Variants in EPM2A observed in about 807,000 individuals in gnomAD.
EPM2A encodes laforin.
Under a neutral mutation model 26.5 loss-of-function variants are expected in EPM2A, and 21 were observed. The ratio of observed to expected loss-of-function variants is 0.79; its 90% CI spans 0.56 to 1.14. The LOEUF (loss-of-function observed/expected upper bound fraction) is 1.14, where lower values mean the gene tolerates loss of function less well. Among genes scored for constraint, EPM2A ranks in the 50% most tolerant of loss-of-function variants. The pLI is 0.00. For synonymous variants in EPM2A, 217 were observed against 177.6 expected (o/e 1.22, Z -1.76); for missense variants, 458 against 440.8 (o/e 1.04, Z -0.35).
At chr6:145,458,565 TGTAGCTGAACCCCTA>T (rs1779291102) in intron 4 of EPM2A, among the ~76,000 whole-genome samples, 1 of 152,178 alleles carries the variant, frequency 6.6e-6, no homozygotes, top group South Asian at 2.1e-4. Context: ...AAAGTCTCCC[TGTAGCTGAACCCCTA>T]GTTTATCAGA....
chr6:145,585,333 C>G (rs1781177804), intron 2 of EPM2A, among the ~76,000 whole-genome samples: 1 of 151,878 alleles, frequency 6.6e-6, no homozygotes, highest in Non-Finnish European at 1.5e-5. Context: ...ATTTTTTTTA[C>G]TCTCCTAAGG....
intron 4 of EPM2A, among the ~76,000 whole-genome samples, chr6:145,416,360 T>A: frequency 6.6e-6 from 1 of 152,184 alleles, no homozygotes; most frequent in Admixed American, 6.5e-5. Flanking sequence ...CAACTTGGAA[T>A]TTTCTCAATG....
chr6:145,631,244 T>C (rs1279924723), intron 3 of EPM2A: 10 of 152,086 alleles, frequency 6.6e-5, no homozygotes, highest in Admixed American at 5.9e-4. Flanking sequence ...AAGGTTCATC[T>C]TGATGTACCC....
chr6:145,709,762 G>C (rs28587324), intron 1 of EPM2A, among the ~76,000 whole-genome samples: 10,144 of 152,182 alleles, frequency 0.067, 1,140 homozygotes, highest in African/African-American at 0.23. Context: ...AGTTCCTGTA[G>C]AAGTTCTTTA....
chr6:145,617,787 TA>T (rs1170071180), intron 2 of EPM2A, among the ~76,000 whole-genome samples: 2 of 151,922 alleles, frequency 1.3e-5, no homozygotes, highest in Non-Finnish European at 2.9e-5. Context: ...AACAAACTTT[TA>T]AAAATTAGCC....
chr6:145,670,864 A>G, intron 2 of EPM2A: 1 of 978,578 alleles, frequency 1.0e-6, no homozygotes. Flanking sequence ...AGGTACTCTT[A>G]GAGAACTCTC....
intron 4 of EPM2A, among the ~76,000 whole-genome samples, chr6:145,388,124 G>A (rs929140246): frequency 6.6e-6 from 1 of 152,142 alleles, no homozygotes; most frequent in Non-Finnish European, 1.5e-5. Context: ...AACAAAGATG[G>A]CAGGAGGTTC....
intron 4 of EPM2A, among the ~76,000 whole-genome samples, chr6:145,392,124 T>C (rs1162165578): frequency 6.6e-6 from 1 of 152,202 alleles, no homozygotes. Flanking sequence ...ACCAGGAGGA[T>C]TTAAAGCTTT....
chr6:145,683,668 T>A, intron 2 of EPM2A, among the ~76,000 whole-genome samples: 1 of 152,060 alleles, frequency 6.6e-6, no homozygotes. Flanking sequence ...GAGAGCAAAT[T>A]TTCTCAGAGT....
chr6:145,389,005 T>A (rs891426738), intron 4 of EPM2A, among the ~76,000 whole-genome samples: 1 of 152,142 alleles, frequency 6.6e-6, no homozygotes, highest in African/African-American at 2.4e-5. Context: ...GTAGAATGAT[T>A]TAAAATCCTT....
chr6:145,487,765 G>T (rs1456860269), intron 4 of EPM2A, among the ~76,000 whole-genome samples: 1 of 152,110 alleles, frequency 6.6e-6, no homozygotes, highest in African/African-American at 2.4e-5. Flanking sequence ...CATTCTGTAG[G>T]TTGTCTGTTG....
At chr6:145,399,746 C>T (rs924288601) in intron 4 of EPM2A, among the ~76,000 whole-genome samples, 1 of 152,136 alleles carries the variant, frequency 6.6e-6, no homozygotes, top group Non-Finnish European at 1.5e-5. Context: ...GTATTTATGT[C>T]AACCCTTCAG....
intron 4 of EPM2A, among the ~76,000 whole-genome samples, chr6:145,409,756 T>C (rs578256887): frequency 1.6e-4 from 24 of 152,306 alleles, no homozygotes; most frequent in African/African-American, 5.1e-4. Flanking sequence ...GGGGATCTCA[T>C]GTGGTTACTC....
At chr6:145,520,858 A>C (rs1432208886) in intron 2 of EPM2A, among the ~76,000 whole-genome samples, 1 of 152,240 alleles carries the variant, frequency 6.6e-6, no homozygotes, top group Non-Finnish European at 1.5e-5. Context: ...ATGGTTAATC[A>C]AAGACTTAAA....
intron 1 of EPM2A, among the ~76,000 whole-genome samples, chr6:145,716,757 C>T (rs1165346624): frequency 6.6e-6 from 1 of 152,126 alleles, no homozygotes; most frequent in Non-Finnish European, 1.5e-5. Context: ...CTCTGAAACC[C>T]TCCAACTTTG....
chr6:145,627,543 C>T lies in EPM2A; in HGVS notation c.869G>A (p.Arg290Lys). ...GGCCATGAGGAAATACTGCACCTTC[C>T]TCAGATTCCAGCCCATCACATACTG... ...WLQYVMGWNLRKVQYFLMAKR... is the reference protein window; with the variant it reads ...WLQYVMGWNLKKVQYFLMAKR... The change falls in exon 4 of 4, where the codon AGG becomes AAG. Residue 290 changes from arginine (R) to lysine (K), a missense_variant. By Grantham distance (26) the Arg-to-Lys change is conservative. Transcript: ENST00000367519. The T allele has an allele frequency of 6.2e-7, 1 of 1,614,248 alleles. No homozygotes were observed. The highest frequency in any genetic ancestry group is 1.1e-5 in the South Asian group (1 of 91,092).
At chr6:145,662,930 CAATCTT>C (rs1009566703) in intron 2 of EPM2A, among the ~76,000 whole-genome samples, 84 of 152,268 alleles carry the variant, frequency 5.5e-4, no homozygotes, top group African/African-American at 2.0e-3. Flanking sequence ...TGTCAAAATA[CAATCTT>C]AAGACCTTGG....
chr6:145,582,324 T>A (rs1213342823), intron 2 of EPM2A, among the ~76,000 whole-genome samples: 1 of 152,230 alleles, frequency 6.6e-6, no homozygotes, highest in Non-Finnish European at 1.5e-5. Flanking sequence ...GATTTTGTTT[T>A]TTTAAATTTG....
chr6:145,467,849 G>A (rs889945196), intron 4 of EPM2A, among the ~76,000 whole-genome samples: 1 of 151,724 alleles, frequency 6.6e-6, no homozygotes, highest in African/African-American at 2.4e-5. Context: ...TTTTATTTCT[G>A]CTGCTATTCT....
Sources: allele counts gnomAD v4.1 joint callset (sites outside exome capture counted in the v4.1 genomes callset), GRCh38; gene constraint gnomAD v4.1.1; transcripts MANE v1.5; gene names NCBI Gene and HGNC (gene_info 2026-07-23, HGNC 2026-07-21).